Variants in ETV4 observed in about 807,000 individuals in gnomAD.
ETV4 encodes the protein ETS variant transcription factor 4.
In ETV4, 42 loss-of-function variants were observed where a neutral mutation model predicts 65.9. The ratio of observed to expected loss-of-function variants is 0.64; its 90% CI spans 0.50 to 0.82. The LOEUF is 0.82. Among genes scored for constraint, ETV4 ranks in the 40% least tolerant of loss-of-function variants. ETV4 has a pLI of 0.00. For synonymous variants in ETV4, 238 were observed against 260.0 expected (o/e 0.92, Z 0.81); for missense variants, 583 against 630.3 (o/e 0.92, Z 0.80).
intron 4 of ETV4, among the ~76,000 whole-genome samples, chr17:43,538,540 G>A (rs529987555): frequency 6.6e-5 from 10 of 152,262 alleles, no homozygotes; most frequent in South Asian, 2.1e-4. Flanking sequence ...AAATACAGCA[G>A]CAGCTCATCC....
intron 4 of ETV4, 48 bp downstream of exon 4, chr17:43,544,927 T>A (rs750231465): frequency 6.4e-7 from 1 of 1,552,034 alleles, no homozygotes; most frequent in South Asian, 1.1e-5. Flanking sequence ...CTACGGAGTG[T>A]CCCCCTGTCC....
Position 43,533,179 on chromosome 17 carries a change from C to T in ETV4, c.545+8G>A. On this transcript the variant is annotated splice_region_variant and intron_variant, in intron 7 of 12. Transcript: ENST00000319349. ...GCCCATGAGCAGTGGGTTTCCCTGTCTCCTTACCTATGTTCCCCGAGGTAC... is the reference window on the plus strand; with the variant it reads ...GCCCATGAGCAGTGGGTTTCCCTGTTTCCTTACCTATGTTCCCCGAGGTAC... 2.5e-6 allele frequency: 4 copies of T among 1,613,304 alleles called. No individual in the cohort carries two copies. Among genetic ancestry groups the T allele is most frequent in the South Asian group, 2.2e-5 (2 of 91,010 alleles).
intron 5 of ETV4, among the ~76,000 whole-genome samples, chr17:43,535,076 C>T (rs544794543): frequency 3.5e-4 from 54 of 152,198 alleles, no homozygotes; most frequent in Non-Finnish European, 6.6e-4. Flanking sequence ...GTGGCCCCTG[C>T]GGGGTTCCCA....
chr17:43,541,877 C>T (rs1335748601), intron 4 of ETV4, among the ~76,000 whole-genome samples: 1 of 152,160 alleles, frequency 6.6e-6, no homozygotes, highest in Non-Finnish European at 1.5e-5. Context: ...GGCATTGTAG[C>T]TGGGAAAGAT....
At chr17:43,545,934 C>CGTGTGT (rs531139204) in intron 1 of ETV4, 6,533 of 263,292 alleles carry the variant, frequency 0.025, 214 homozygotes, top group Admixed American at 0.033. Flanking sequence ...TACATAAGAA[C>CGTGTGT]GTGTGTGTGT....
chr17:43,535,705 C>T (rs926681674), intron 5 of ETV4, among the ~76,000 whole-genome samples: 1 of 152,226 alleles, frequency 6.6e-6, no homozygotes, highest in Non-Finnish European at 1.5e-5. Flanking sequence ...TCTCTATCCA[C>T]TAGACACCAG....
intron 4 of ETV4, chr17:43,543,976 A>T (rs1971663297): frequency 6.6e-6 from 1 of 152,186 alleles, no homozygotes; most frequent in Admixed American, 6.5e-5. Context: ...CTTTAAAAAA[A>T]TTAGATACCC....
Position 43,545,619 on chromosome 17 carries a change from C to A in ETV4, c.-2G>T. ...TCCGGCTTTCATCCTCCGCTCCATC[C>A]GGCCGCTCCCTCCGGCCGCACGGCC... On this transcript the variant is annotated 5_prime_UTR_variant, in exon 2 of 13. Transcript: ENST00000319349. The A allele has an allele frequency of 6.4e-7, 1 of 1,550,590 alleles. No homozygotes were observed. Among genetic ancestry groups the A allele is most frequent in the African/African-American group, 1.4e-5 (1 of 73,096 alleles).
intron 4 of ETV4, among the ~76,000 whole-genome samples, chr17:43,536,720 A>G (rs184294694): frequency 2.0e-5 from 3 of 152,400 alleles, no homozygotes; most frequent in Admixed American, 2.0e-4. Context: ...AAGAAATTTT[A>G]CAAGGAATTT....
At chr17:43,541,234 C>T (rs1488895071) in intron 4 of ETV4, among the ~76,000 whole-genome samples, 1 of 152,238 alleles carries the variant, frequency 6.6e-6, no homozygotes, top group African/African-American at 2.4e-5. Context: ...CATCCAGAGA[C>T]TGTCAACAGG....
intron 3 of ETV4, 86 bp from the exon 4 acceptor site, chr17:43,545,108 C>A: frequency 7.0e-7 from 1 of 1,426,896 alleles, no homozygotes; most frequent in Non-Finnish European, 9.9e-7. Flanking sequence ...GACTCCCCTG[C>A]CTTGGGAGTA....
chr17:43,536,064 T>C (rs886210384), intron 5 of ETV4, among the ~76,000 whole-genome samples: 4 of 152,182 alleles, frequency 2.6e-5, no homozygotes, highest in African/African-American at 7.2e-5. Flanking sequence ...TGAGCCGAGA[T>C]TGTGCCACTG....
chr17:43,533,323 C>A lies in ETV4; in HGVS notation c.409G>T (p.Ala137Ser). ...SSAYDPPRQI[A>S]IKSPAPGALG... ...GCACCAGGGGCAGGGGACTTGATGG[C>A]GATTTGTCTGGGGGGGTCATAGGCA... Residue 137 changes from alanine to serine, a missense_variant, in exon 7 of 13, where the codon GCC (alanine) becomes TCC (serine). Ala to Ser is a moderately conservative substitution (Grantham distance 99, BLOSUM62 1). Transcript: ENST00000319349. 6.2e-7 allele frequency: 1 copy of A among 1,613,336 alleles called. No individual in the cohort carries two copies. Among genetic ancestry groups the A allele is most frequent in the Non-Finnish European group, 8.5e-7 (1 of 1,179,654 alleles).
chr17:43,545,578 C>T lies in ETV4; in HGVS notation c.40G>A (p.Val14Met). The T allele has an allele frequency of 1.3e-6, 2 of 1,550,720 alleles. No homozygotes were observed. The highest frequency in any genetic ancestry group is 1.7e-6 in the Non-Finnish European group (2 of 1,146,814). ...RMKAGYLDQQ[V>M]PYTFSSKSPG... ...CTCACGCTGCTGAAGGTGTAGGGCA[C>T]TTGCTGGTCCAAGTATCCGGCTTTC... The change falls in exon 2 of 13, where the codon GTG (valine) becomes ATG (methionine). Residue 14 changes from valine to methionine, a missense_variant. By Grantham distance (21) the Val-to-Met change is conservative. Coordinates refer to ENST00000319349, the MANE Select transcript of ETV4 (RefSeq NM_001079675.5).
intron 4 of ETV4, among the ~76,000 whole-genome samples, chr17:43,536,876 G>C (rs981090559): frequency 2.6e-5 from 4 of 152,234 alleles, no homozygotes; most frequent in Non-Finnish European, 5.9e-5. Flanking sequence ...AGACCCAGGA[G>C]GGAAGACTGT....
intron 4 of ETV4, among the ~76,000 whole-genome samples, chr17:43,542,571 C>G (rs137980849): frequency 0.012 from 1,883 of 152,198 alleles, 27 homozygotes; most frequent in Non-Finnish European, 0.019. Context: ...CCAGGCACCC[C>G]CAAATCAGAC....
At chr17:43,542,192 A>G (rs1488884523) in intron 4 of ETV4, among the ~76,000 whole-genome samples, 2 of 152,158 alleles carry the variant, frequency 1.3e-5, no homozygotes, top group Non-Finnish European at 2.9e-5. Context: ...TGAGAATCTG[A>G]TAAAAGCTAT....
intron 3 of ETV4, 123 bp from the exon 4 acceptor site, chr17:43,545,145 C>A: frequency 7.6e-7 from 1 of 1,310,548 alleles, no homozygotes; most frequent in Non-Finnish European, 1.1e-6. Context: ...ACCAAAATCC[C>A]TTGGAGGGCG....
chr17:43,529,359 T>A, intron 11 of ETV4, 123 bp from the exon 12 acceptor site: 1 of 1,393,908 alleles, frequency 7.2e-7, no homozygotes, highest in Non-Finnish European at 1.0e-6. Context: ...CAACAAAGCA[T>A]CAGCCCACAG....
Sources: allele counts gnomAD v4.1 joint callset (sites outside exome capture counted in the v4.1 genomes callset), GRCh38; gene constraint gnomAD v4.1.1; transcripts MANE v1.5; gene names NCBI Gene and HGNC (gene_info 2026-07-23, HGNC 2026-07-21).